Variants in NLE1 observed in about 807,000 individuals in gnomAD.
The protein encoded by NLE1 is notchless homolog 1, also known as notchless protein homolog 1.
NLE1 carries 37 observed loss-of-function variants against 62.8 expected under a neutral mutation model. That is an observed-to-expected ratio of 0.59 (90% confidence interval 0.45 to 0.78). The LOEUF (loss-of-function observed/expected upper bound fraction) is 0.78, where lower values mean the gene tolerates loss of function less well. Ranked by LOEUF, NLE1 falls within the 30% of genes least tolerant of loss-of-function variation. The probability of loss-of-function intolerance (pLI) is 0.00; values close to 1 mark genes in which losing one functional copy is unlikely to be tolerated. For missense variants in NLE1, 555 were observed against 637.9 expected (o/e 0.87, Z 1.40); for synonymous variants, 243 against 253.0 (o/e 0.96, Z 0.37).
chr17:35,139,386 A>C, intron 3 of NLE1, 72 bp from the exon 4 acceptor site: 1 of 1,248,288 alleles, frequency 8.0e-7, no homozygotes, highest in Non-Finnish European at 1.2e-6. Context: ...CTTTCTGTGA[A>C]TAGAATATGG....
intron 3 of NLE1, among the ~76,000 whole-genome samples, chr17:35,139,579 C>T (rs1323842862): frequency 6.6e-6 from 1 of 152,180 alleles, no homozygotes; most frequent in South Asian, 2.1e-4. Flanking sequence ...AAAATTAACT[C>T]GGAAAGGTTA....
intron 3 of NLE1, 150 bp downstream of exon 3, chr17:35,139,699 A>T: frequency 9.1e-7 from 1 of 1,093,548 alleles, no homozygotes; most frequent in South Asian, 1.6e-5. Context: ...CCTACTGAGG[A>T]AGTCCCTTAA....
Position 35,137,188 on chromosome 17 carries a change from G to C in NLE1, c.641C>G (p.Pro214Arg). The C allele has an allele frequency of 6.2e-7, 1 of 1,606,642 alleles. No individual in the cohort carries two copies. Among genetic ancestry groups the C allele is most frequent in the Non-Finnish European group, 8.5e-7 (1 of 1,174,362 alleles). Residue 214 changes from proline (P) to arginine (R), a missense_variant, in exon 7 of 13, where the codon CCT (proline) becomes CGT (arginine). Transcript: ENST00000442241. ...GLSWEPLHAN[P>R]ECRYVASSSK... ...GCTGCTGGCCACATAGCGGCACTCAGGGTTCCTGGAGAGAAGGGAGATGTG... is the reference window on the plus strand; with the variant it reads ...GCTGCTGGCCACATAGCGGCACTCACGGTTCCTGGAGAGAAGGGAGATGTG...
In NLE1 at chr17:35,130,381, G is replaced by A. The variant is rs370230473; in HGVS notation, c.*2056C>T. ...ACCCCGGCAAAAGATCGTGTCCATC[G>A]GGCCGGAGGAGATGCGGAGGCTGGA... On this transcript the variant is annotated 3_prime_UTR_variant, in exon 13 of 13. Transcript: ENST00000442241. 87 of 1,613,950 alleles carry A rather than the reference G, an allele frequency of 5.4e-5. No individual in the cohort carries two copies. Among genetic ancestry groups the A allele is most frequent in the Non-Finnish European group, 6.7e-5 (79 of 1,179,994 alleles).
At position 35,139,950 on chromosome 17, in the gene NLE1, C is replaced by A. The variant is rs576442192; in HGVS notation, c.279G>T (p.Gln93His). Residue 93 changes from glutamine to histidine, a missense_variant, in exon 3 of 13, where the codon CAG becomes CAT. Transcript: ENST00000442241. ...ETEKVLDIIY[Q>H]PQAIFRVRAV... ...CCCGGACTCTGAAGATAGCCTGTGG[C>A]TGGTAGATGATGTCTAGGACCTTCT... 1.9e-6 allele frequency: 3 copies of A among 1,614,196 alleles called. No individual in the cohort carries two copies. The highest frequency in any genetic ancestry group is 4.5e-5 in the East Asian group (2 of 44,886).
chr17:35,141,882 A>G, intron 2 of NLE1, 97 bp downstream of exon 2: 2 of 1,368,590 alleles, frequency 1.5e-6, no homozygotes, highest in Admixed American at 2.0e-5. Context: ...ACAGTCCGTT[A>G]GCGGGGGACC....
At position 35,137,120 on chromosome 17, in the gene NLE1, G is replaced by A. The variant is rs539954745; in HGVS notation, c.709C>T (p.Arg237Cys). 2.2e-5 allele frequency: 36 copies of A among 1,613,828 alleles called. No individual in the cohort carries two copies. In the East Asian group the frequency reaches 3.8e-4, roughly 17 times the overall value. The stretch of plus-strand genomic sequence containing the variant: ...TGCCCGGTGAGGATGCGCTCACAGC[G>A]GCCTGCAGTTGTGTCCCAGATCCGC... ...SVRIWDTTAGRCERILTGHTQ... is the reference protein window; with the variant it reads ...SVRIWDTTAGCCERILTGHTQ... The change falls in exon 7 of 13, where the codon CGC becomes TGC. Residue 237 changes from arginine to cysteine, a missense_variant. Coordinates refer to ENST00000442241, the MANE Select transcript of NLE1 (RefSeq NM_018096.5).
At chr17:35,137,339 C>T in intron 6 of NLE1, 146 bp from the exon 7 acceptor site, 1 of 865,960 alleles carries the variant, frequency 1.2e-6, no homozygotes, top group Non-Finnish European at 1.8e-6. Context: ...AAGGTGACTG[C>T]AACCAGCAGA....
At chr17:35,133,140 G>A (rs1323510194) in intron 12 of NLE1, 31 bp downstream of exon 12, 2 of 1,605,524 alleles carry the variant, frequency 1.2e-6, no homozygotes, top group Non-Finnish European at 1.7e-6. Flanking sequence ...GGAGGGCTGT[G>A]TATGCCAACC....
chr17:35,137,540 T>C lies in NLE1; in HGVS notation c.635+3A>G, dbSNP rs766355409. 1 of 1,603,206 alleles carries C rather than the reference T, an allele frequency of 6.2e-7. No homozygotes were observed. Among genetic ancestry groups the C allele is most frequent in the Non-Finnish European group, 8.5e-7 (1 of 1,175,910 alleles). The stretch of plus-strand genomic sequence containing the variant: ...TTGTCCCAGCTCCGTCAGTGTCACT[T>C]ACGCATGGAGGGGCTCCCAGCTCAG... On this transcript the variant is annotated splice_donor_region_variant and intron_variant, in intron 6 of 12. Coordinates refer to ENST00000442241, the MANE Select transcript of NLE1 (RefSeq NM_018096.5).
intron 7 of NLE1, among the ~76,000 whole-genome samples, 168 bp from the exon 8 acceptor site, chr17:35,136,665 C>G: frequency 6.6e-6 from 1 of 152,160 alleles, no homozygotes. Context: ...AAAATGGAGT[C>G]CAGATCATGA....
Position 35,132,534 on chromosome 17 carries a change from C to T in NLE1, c.1446-85G>A, listed in dbSNP as rs1277526625. The T allele has an allele frequency of 1.4e-5, 16 of 1,178,576 alleles. No homozygotes were observed. In the East Asian group the frequency reaches 1.8e-4, roughly 13 times the overall value. 73.0% of individuals were successfully genotyped at this position (1,178,576 alleles called of 1,614,324 possible). A position where few individuals can be genotyped will look rare whatever the true frequency, so the allele number is the denominator to read the frequency against. On this transcript the variant is annotated intron_variant, in intron 12 of 12. Coordinates refer to ENST00000442241, the MANE Select transcript of NLE1 (RefSeq NM_018096.5). ...TATAATCCCAGTGTCAACAGACGGA[C>T]GGCCTGTGGTCCACCCTCAGAGTCA...
rs79844407 is a variant in NLE1 at position 35,136,723 on chromosome 17, T to A, written c.829-226A>T. 5.7e-3 allele frequency among the ~76,000 whole-genome samples: 864 copies of A among 152,302 alleles called. 11 individuals are homozygous for A. Among genetic ancestry groups the A allele is most frequent in the East Asian group, 0.038 (198 of 5,170 alleles). ...TAGGGATGTCAGAGTAAACGGCTCC[T>A]GTCCAATACATTTGGGATATGGTAG... On this transcript the variant is annotated intron_variant, in intron 7 of 12. Transcript: ENST00000442241.
chr17:35,142,224 G>T, intron 1 of NLE1, 34 bp downstream of exon 1: 1 of 1,560,372 alleles, frequency 6.4e-7, no homozygotes. Flanking sequence ...GCGCCCCGCG[G>T]CGACGCCCCC....
In NLE1 at chr17:35,130,136, C is replaced by T. The variant is rs559981508; in HGVS notation, c.*2301G>A. The T allele has an allele frequency of 7.9e-5, 115 of 1,447,030 alleles. No individual in the cohort carries two copies. The African/African-American group carries it at 1.4e-3, about 17-fold the overall frequency. 89.6% of individuals were successfully genotyped at this position (1,447,030 alleles called of 1,614,324 possible). On this transcript the variant is annotated 3_prime_UTR_variant, in exon 13 of 13. Coordinates refer to ENST00000442241, the MANE Select transcript of NLE1 (RefSeq NM_018096.5). ...CAGGCTTGAGTCATGCATCTTTGCACCTGTTTCCTGCGTCAATGGCTAGGT... is the reference window on the plus strand; with the variant it reads ...CAGGCTTGAGTCATGCATCTTTGCATCTGTTTCCTGCGTCAATGGCTAGGT...
chr17:35,132,478 G>C (rs1394748147), intron 12 of NLE1, 29 bp from the exon 13 acceptor site: 1 of 1,371,388 alleles, frequency 7.3e-7, no homozygotes, highest in East Asian at 2.8e-5. Flanking sequence ...TGTCAGGATG[G>C]GGATTCCACC....
chr17:35,141,773 G>GC (rs994167771), intron 2 of NLE1, among the ~76,000 whole-genome samples: 2 of 152,168 alleles, frequency 1.3e-5, no homozygotes, highest in African/African-American at 4.8e-5. Context: ...TCAAAGCTAG[G>GC]CCCCTCTCCG....
At chr17:35,142,224 G>A (rs1045706193) in intron 1 of NLE1, 34 bp downstream of exon 1, 13 of 1,560,372 alleles carry the variant, frequency 8.3e-6, no homozygotes, top group Non-Finnish European at 1.1e-5. Context: ...GCGCCCCGCG[G>A]CGACGCCCCC....
At chr17:35,133,988 AAC>A (rs1371606146) in intron 10 of NLE1, among the ~76,000 whole-genome samples, 5 of 152,160 alleles carry the variant, frequency 3.3e-5, no homozygotes, top group Admixed American at 6.5e-5. Context: ...GCTGTGTGAA[AAC>A]ACAGTGACGT....
Sources: gnomAD v4.1 joint callset for allele counts (sites outside exome capture counted in the v4.1 genomes callset) on GRCh38, gnomAD v4.1.1 for gene constraint, MANE v1.5 for transcripts, NCBI Gene and HGNC (gene_info 2026-07-23, HGNC 2026-07-21) for gene names.